The following PCDHGB6 variants were observed in gnomAD, a reference collection of about 807,000 sequenced individuals.
PCDHGB6 encodes the protein protocadherin gamma subfamily B, 6, also known as protocadherin gamma-B6.
In PCDHGB6, 51 loss-of-function variants were observed where a neutral mutation model predicts 59.1. The ratio of observed to expected loss-of-function variants is 0.86; its 90% CI spans 0.69 to 1.09. PCDHGB6 has a LOEUF of 1.09. Among genes scored for constraint, PCDHGB6 ranks in the 50% least tolerant of loss-of-function variants. The probability of loss-of-function intolerance (pLI) is 0.00; values close to 1 mark genes in which losing one functional copy is unlikely to be tolerated. For missense variants in PCDHGB6, 1,148 were observed against 1,205.1 expected (o/e 0.95, Z 0.70); for synonymous variants, 466 against 495.1 (o/e 0.94, Z 0.78).
chr5:141,496,467 T>A (rs1334392771), intron 2 of PCDHGB6, among the ~76,000 whole-genome samples: 1 of 152,056 alleles, frequency 6.6e-6, no homozygotes, highest in Non-Finnish European at 1.5e-5. Context: ...GAGTTATCTT[T>A]CCCCCATCCT....
intron 1 of PCDHGB6, among the ~76,000 whole-genome samples, chr5:141,454,831 A>C (rs1489772379): frequency 1.3e-5 from 1 of 78,366 alleles, no homozygotes; most frequent in African/African-American, 6.7e-5. Context: ...TTTTTGAGAC[A>C]GAGTCGCGCT....
rs114847835 is a variant in PCDHGB6, at chr5:141,486,500, C to T, written c.2419-8307C>T. The T allele has an allele frequency of 6.2e-6, 10 of 1,614,008 alleles. No homozygotes were observed. The East Asian group carries it at 1.8e-4, about 29-fold the overall frequency. On this transcript the variant is annotated intron_variant, in intron 1 of 3. Coordinates refer to ENST00000520790, the MANE Select transcript of PCDHGB6 (RefSeq NM_018926.3). This position sits in a 1 kb window ranked among gnomAD's most constrained non-coding sequence, Gnocchi z 5.0. ...TCTCAGTACCCACAGAACTATTTTCCTCAATATTTCAGATGTGAATGATAA... is the reference window on the plus strand; with the variant it reads ...TCTCAGTACCCACAGAACTATTTTCTTCAATATTTCAGATGTGAATGATAA...
rs558609501 is a variant in PCDHGB6, at chr5:141,487,648, G to C, written c.2419-7159G>C. On this transcript the variant is annotated intron_variant, in intron 1 of 3. Coordinates refer to ENST00000520790, the MANE Select transcript of PCDHGB6 (RefSeq NM_018926.3). This position sits in a 1 kb window ranked among gnomAD's most constrained non-coding sequence, Gnocchi z 5.0. ...CTTTGCAGGCTCAACAAATGCTTGA[G>C]GGTTATTCTGATCCAGGCATATGGC... is the stretch of plus-strand genomic sequence containing the variant. 34 of 1,613,904 alleles carry C rather than the reference G, an allele frequency of 2.1e-5. 1 individual carries two copies. The South Asian group carries it at 3.6e-4, about 17-fold the overall frequency.
intron 1 of PCDHGB6, chr5:141,413,487 G>A (rs1190400492): frequency 1.9e-6 from 3 of 1,613,928 alleles, no homozygotes; most frequent in African/African-American, 2.7e-5. Context: ...CTCAGAGCGC[G>A]CGGTGCGTGG....
At position 141,418,815 on chromosome 5, in the gene PCDHGB6, T is replaced by C. The variant is rs368396202; in HGVS notation, c.2418+8195T>C. The stretch of plus-strand genomic sequence containing the variant: ...GAAGTAGAAAGATATACGATAAACA[T>C]AGAAGCAAAAGACCGAGGATCTCTC... On this transcript the variant is annotated intron_variant, in intron 1 of 3. Transcript: ENST00000520790. 509 of 1,613,744 alleles carry C rather than the reference T, an allele frequency of 3.2e-4. No homozygotes were observed. The highest frequency in any genetic ancestry group is 4.1e-4 in the Non-Finnish European group (488 of 1,179,804).
At chr5:141,442,417 T>A (rs2098323611) in intron 1 of PCDHGB6, 1 of 152,152 alleles carries the variant, frequency 6.6e-6, no homozygotes, top group Non-Finnish European at 1.5e-5. Flanking sequence ...TGAGTGAACT[T>A]CTTTTTTGAA....
Position 141,491,034 on chromosome 5 carries a change from T to G in PCDHGB6, c.2419-3773T>G, listed in dbSNP as rs375902824. 1 of 1,614,170 alleles carries G rather than the reference T, an allele frequency of 6.2e-7. No homozygotes were observed. The highest frequency in any genetic ancestry group is 8.5e-7 in the Non-Finnish European group (1 of 1,180,024). On this transcript the variant is annotated intron_variant, in intron 1 of 3. Coordinates refer to ENST00000520790, the MANE Select transcript of PCDHGB6 (RefSeq NM_018926.3). The surrounding 1 kb of genome is among the most constrained non-coding windows in gnomAD (Gnocchi z 6.9). ...CCAAGGTGACAGCCGTGGATGCTGATGCAGGCCACAATGCGTGGCTCTCCT... is the reference window on the plus strand; with the variant it reads ...CCAAGGTGACAGCCGTGGATGCTGAGGCAGGCCACAATGCGTGGCTCTCCT...
chr5:141,499,836 A>G (rs2099794751), intron 2 of PCDHGB6, among the ~76,000 whole-genome samples: 1 of 151,894 alleles, frequency 6.6e-6, no homozygotes, highest in African/African-American at 2.4e-5. Flanking sequence ...ACAGGTGTGC[A>G]CCACCACACA....
intron 1 of PCDHGB6, chr5:141,417,532 TA>T (rs1457524771): frequency 6.7e-5 from 19 of 284,780 alleles, no homozygotes; most frequent in South Asian, 1.5e-4. Context: ...ACTCGTAGTT[TA>T]AAAAAAATTC....
In PCDHGB6 at chr5:141,489,504, A is replaced by G. The variant is rs148241772; in HGVS notation, c.2419-5303A>G. 193 of 1,614,016 alleles carry G rather than the reference A, an allele frequency of 1.2e-4. No individual in the cohort carries two copies. Among genetic ancestry groups the G allele is most frequent in the Non-Finnish European group, 1.6e-4 (184 of 1,180,046 alleles). On this transcript the variant is annotated intron_variant, in intron 1 of 3. Transcript: ENST00000520790. The surrounding 1 kb of genome is among the most constrained non-coding windows in gnomAD (Gnocchi z 4.5). ...TGAGTGGTGCCCTGGCAGTGAATCA[A>G]AAGATTGACCGAGAAAGCCTATGTG...
At chr5:141,449,436 A>T (rs1177598228) in intron 1 of PCDHGB6, among the ~76,000 whole-genome samples, 1 of 151,792 alleles carries the variant, frequency 6.6e-6, no homozygotes, top group African/African-American at 2.4e-5. Flanking sequence ...ATAAAACTCC[A>T]TCTCTACTAA....
At chr5:141,416,011 G>A (rs2095982763) in intron 1 of PCDHGB6, 2 of 239,912 alleles carry the variant, frequency 8.3e-6, no homozygotes, top group Non-Finnish European at 7.8e-6. Flanking sequence ...GGTAAGAATA[G>A]GTAAGTATCA....
intron 1 of PCDHGB6, among the ~76,000 whole-genome samples, chr5:141,456,729 C>T (rs1337183677): frequency 6.6e-6 from 1 of 152,158 alleles, no homozygotes; most frequent in Non-Finnish European, 1.5e-5. Context: ...CTTTGGGAGG[C>T]TGAGGCGGGA....
intron 3 of PCDHGB6, among the ~76,000 whole-genome samples, chr5:141,507,714 C>T (rs1425955843): frequency 6.6e-6 from 1 of 152,280 alleles, no homozygotes; most frequent in Non-Finnish European, 1.5e-5. Flanking sequence ...GCCCCAAACC[C>T]TCCAAGCAAG....
In PCDHGB6 at chr5:141,487,456, G is replaced by A. The variant is rs1041154635; in HGVS notation, c.2419-7351G>A. Reference sequence around the variant, plus strand: ...AGCTAGGGTCAGATGACCCTATCAAGTTTGTTGATGTGGGAGGCCACTCTC... The same window carrying A: ...AGCTAGGGTCAGATGACCCTATCAAATTTGTTGATGTGGGAGGCCACTCTC... On this transcript the variant is annotated intron_variant, in intron 1 of 3. Coordinates refer to ENST00000520790, the MANE Select transcript of PCDHGB6 (RefSeq NM_018926.3). The surrounding 1 kb of genome is among the most constrained non-coding windows in gnomAD (Gnocchi z 5.0). 6.2e-7 allele frequency: 1 copy of A among 1,614,196 alleles called. No individual in the cohort carries two copies. The highest frequency in any genetic ancestry group is 8.5e-7 in the Non-Finnish European group (1 of 1,180,026).
intron 1 of PCDHGB6, chr5:141,428,889 C>G (rs1486441305): frequency 1.3e-5 from 2 of 150,826 alleles, no homozygotes; most frequent in African/African-American, 4.9e-5. Flanking sequence ...GAGTCTCGCT[C>G]TGTGGTCCAG....
In PCDHGB6 at chr5:141,432,782, C is replaced by A. The variant is rs547164205; in HGVS notation, c.2418+22162C>A. 6.2e-7 allele frequency: 1 copy of A among 1,614,164 alleles called. No homozygotes were observed. Among genetic ancestry groups the A allele is most frequent in the African/African-American group, 1.3e-5 (1 of 75,052 alleles). ...CAGCATCCCCCAAGTCCTGGCGGAC[C>A]TCGGCAGCCTCGAGTCTCCAGCTAA... On this transcript the variant is annotated intron_variant, in intron 1 of 3. Coordinates refer to ENST00000520790, the MANE Select transcript of PCDHGB6 (RefSeq NM_018926.3). This position sits in a 1 kb window ranked among gnomAD's most constrained non-coding sequence, Gnocchi z 6.0.
chr5:141,453,302 T>C (rs189741118), intron 1 of PCDHGB6, among the ~76,000 whole-genome samples: 18 of 152,008 alleles, frequency 1.2e-4, no homozygotes, highest in Middle Eastern at 6.8e-3. Flanking sequence ...TTTATTTATT[T>C]ATTTATTTAT....
chr5:141,430,919 C>T, intron 1 of PCDHGB6: 1 of 1,607,610 alleles, frequency 6.2e-7, no homozygotes, highest in Non-Finnish European at 8.5e-7. Context: ...GGACCTGGGG[C>T]TGGAGCCCCG....
Sources: gnomAD v4.1 joint callset for allele counts (sites outside exome capture counted in the v4.1 genomes callset) on GRCh38, gnomAD v4.1.1 for gene constraint, Gnocchi (gnomAD v3.1) non-coding constraint, MANE v1.5 for transcripts, NCBI Gene and HGNC (gene_info 2026-07-23, HGNC 2026-07-21) for gene names.